Variants in KCNK17 observed in about 807,000 individuals in gnomAD.
KCNK17 encodes potassium two pore domain channel subfamily K member 17, also known as potassium channel subfamily K member 17.
A neutral mutation model predicts 24.6 loss-of-function variants in KCNK17; 27 were observed. The ratio of observed to expected loss-of-function variants is 1.10; its 90% CI spans 0.81 to 1.51. KCNK17 has a LOEUF of 1.51. KCNK17 is among the 40% of genes most tolerant of loss of function. The pLI is 0.00. For synonymous variants in KCNK17, 181 were observed against 189.8 expected, an observed-to-expected ratio of 0.95 and a Z score of 0.38; for missense variants, 450 against 436.6, an observed-to-expected ratio of 1.03 and a Z score of -0.27.
chr6:39,314,385 A>G lies in KCNK17; in HGVS notation c.-65T>C, dbSNP rs1762230474. On this transcript the variant is annotated 5_prime_UTR_variant, in exon 1 of 5. Coordinates refer to ENST00000373231, the MANE Select transcript of KCNK17 (RefSeq NM_031460.4). ...TAGGACCCGGTGGGAGGGAAGGGCC[A>G]GGCGTCCAGCTCGTATCTCCTCTCG... is the stretch of plus-strand genomic sequence containing the variant. 2 of 1,185,082 alleles carry G rather than the reference A, an allele frequency of 1.7e-6. No homozygotes were observed. Among genetic ancestry groups the G allele is most frequent in the African/African-American group, 1.6e-5 (1 of 61,638 alleles). 73.4% of individuals were successfully genotyped at this position (1,185,082 alleles called of 1,614,324 possible).
At position 39,299,181 on chromosome 6, in the gene KCNK17, G is replaced by A. The variant is rs1437327896; in HGVS notation, c.*246C>T. 1.0e-5 allele frequency: 5 copies of A among 496,048 alleles called. No individual in the cohort carries two copies. The highest frequency in any genetic ancestry group is 5.2e-4 in the Middle Eastern group (1 of 1,916). The allele number at this position is 496,048 out of a possible 1,614,324, so 30.7% of individuals were successfully genotyped here. A position where few individuals can be genotyped will look rare whatever the true frequency, so the allele number is the denominator to read the frequency against. ...TGCCAGAGCTCCCAGCCATCATATC[G>A]GCGGCATTGCAGCCCGCTAAAGTAA... On this transcript the variant is annotated 3_prime_UTR_variant, in exon 5 of 5. Transcript: ENST00000373231.
At chr6:39,310,811 C>A in intron 2 of KCNK17, 82 bp downstream of exon 2, 2 of 925,540 alleles carry the variant, frequency 2.2e-6, no homozygotes, top group South Asian at 1.7e-5. Flanking sequence ...GGTAATCCCT[C>A]CAAAAGGCAA....
intron 4 of KCNK17, chr6:39,300,469 T>G (rs1370441164): frequency 6.5e-6 from 10 of 1,549,840 alleles, no homozygotes; most frequent in Middle Eastern, 1.7e-4. Flanking sequence ...CGATGTCCGC[T>G]CTAGTGTTTG....
chr6:39,306,840 T>C (rs1393113851), intron 2 of KCNK17, among the ~76,000 whole-genome samples: 1 of 150,914 alleles, frequency 6.6e-6, no homozygotes, highest in Non-Finnish European at 1.5e-5. Context: ...TCTCGGCTCA[T>C]TGCAACCTCT....
intron 4 of KCNK17, chr6:39,300,322 C>T (rs566636525): frequency 1.4e-6 from 1 of 701,716 alleles, no homozygotes; most frequent in South Asian, 1.5e-5. Context: ...GGGGTTTCAC[C>T]ATTGTTGCCC....
chr6:39,308,018 T>G (rs1762065594), intron 2 of KCNK17, among the ~76,000 whole-genome samples: 1 of 152,202 alleles, frequency 6.6e-6, no homozygotes, highest in Admixed American at 6.5e-5. Context: ...CTGTATCAGC[T>G]TCAATGTTAC....
chr6:39,312,340 T>C (rs75113401), intron 1 of KCNK17, among the ~76,000 whole-genome samples: 3 of 151,340 alleles, frequency 2.0e-5, no homozygotes, highest in African/African-American at 7.3e-5. Context: ...ATTCCTGGAG[T>C]TGGCTGAAGC....
chr6:39,304,477 G>T lies in KCNK17; in HGVS notation c.513+18C>A. On this transcript the variant is annotated intron_variant, in intron 3 of 4. Transcript: ENST00000373231. ...TCTAGAAGTGACCCATCCCCACCCC[G>T]TCCAGCAGCCCCCTCACCTGCCAGG... The T allele has an allele frequency of 6.2e-7, 1 of 1,604,740 alleles. No homozygotes were observed. The highest frequency in any genetic ancestry group is 8.5e-7 in the Non-Finnish European group (1 of 1,172,136).
Position 39,299,373 on chromosome 6 carries a change from G to C in KCNK17, c.*54C>G, listed in dbSNP as rs950592070. 26 of 1,412,000 alleles carry C rather than the reference G, an allele frequency of 1.8e-5. No individual in the cohort carries two copies. Among genetic ancestry groups the C allele is most frequent in the Non-Finnish European group, 2.4e-5 (25 of 1,022,566 alleles). The allele number at this position is 1,412,000 out of a possible 1,614,324, so 87.5% of individuals were successfully genotyped here. On this transcript the variant is annotated 3_prime_UTR_variant, in exon 5 of 5. Transcript: ENST00000373231. Reference sequence around the variant, plus strand: ...TTTAGTTTGGGTGGACATGTGCAAAGCTTAAAATCAGGGGTCTTGCTACCG... The same window carrying C: ...TTTAGTTTGGGTGGACATGTGCAAACCTTAAAATCAGGGGTCTTGCTACCG...
At chr6:39,307,934 GC>G (rs1329384976) in intron 2 of KCNK17, among the ~76,000 whole-genome samples, 1 of 152,168 alleles carries the variant, frequency 6.6e-6, no homozygotes, top group Non-Finnish European at 1.5e-5. Flanking sequence ...CTTTGCACTT[GC>G]TGGCAGAGGA....
intron 4 of KCNK17, among the ~76,000 whole-genome samples, chr6:39,302,888 C>A (rs769585285): frequency 1.3e-5 from 2 of 151,698 alleles, no homozygotes; most frequent in Non-Finnish European, 3.0e-5. Context: ...GGGGACCTTG[C>A]AAACAGAGGC....
At chr6:39,301,443 G>A (rs1417429829) in intron 4 of KCNK17, among the ~76,000 whole-genome samples, 1 of 152,226 alleles carries the variant, frequency 6.6e-6, no homozygotes, top group Non-Finnish European at 1.5e-5. Flanking sequence ...TGCCACCTGG[G>A]AGCTGACCTG....
chr6:39,308,696 T>G (rs890921062), intron 2 of KCNK17, among the ~76,000 whole-genome samples: 1 of 152,268 alleles, frequency 6.6e-6, no homozygotes, highest in African/African-American at 2.4e-5. Flanking sequence ...CCTGTCCTAC[T>G]GGCCCAGAGG....
At position 39,314,079 on chromosome 6, in the gene KCNK17, C is replaced by G; in HGVS notation, c.237+5G>C. 6.3e-7 allele frequency: 1 copy of G among 1,576,134 alleles called. No individual in the cohort carries two copies. The highest frequency in any genetic ancestry group is 8.6e-7 in the Non-Finnish European group (1 of 1,162,314). On this transcript the variant is annotated splice_donor_5th_base_variant and intron_variant, in intron 1 of 4. Coordinates refer to ENST00000373231, the MANE Select transcript of KCNK17 (RefSeq NM_031460.4). Reference sequence around the variant, plus strand: ...GCGCCCAGGCCGACGCCGCTCGCCCCTGACCCGGATCAGCGAGTCCAGCGC... The same window carrying G: ...GCGCCCAGGCCGACGCCGCTCGCCCGTGACCCGGATCAGCGAGTCCAGCGC...
intron 1 of KCNK17, among the ~76,000 whole-genome samples, chr6:39,312,769 G>C (rs977061504): frequency 1.8e-4 from 27 of 152,316 alleles, no homozygotes; most frequent in African/African-American, 6.0e-4. Flanking sequence ...TGTAGTCGAA[G>C]TTCACCACCT....
chr6:39,308,942 T>A (rs1448590137), intron 2 of KCNK17, among the ~76,000 whole-genome samples: 1 of 152,232 alleles, frequency 6.6e-6, no homozygotes, highest in East Asian at 1.9e-4. Flanking sequence ...TCCTGTTCAC[T>A]CCACAATGGC....
chr6:39,304,502 G>C lies in KCNK17; in HGVS notation c.506C>G (p.Thr169Ser). 1 of 1,612,362 alleles carries C rather than the reference G, an allele frequency of 6.2e-7. No homozygotes were observed. The highest frequency in any genetic ancestry group is 8.5e-7 in the Non-Finnish European group (1 of 1,178,524). ...GTCCAGCAGCCCCCTCACCTGCCAG[G>C]TGCCCCCCAGCCTGCTGGCCCAGTG... ...VNHWASRLGG[T>S]WQDPDKARWL... The change falls in exon 3 of 5, where the codon ACC becomes AGC. Residue 169 changes from threonine (T) to serine (S), a missense_variant. By Grantham distance (58) the Thr-to-Ser change is moderately conservative. Coordinates refer to ENST00000373231, the MANE Select transcript of KCNK17 (RefSeq NM_031460.4).
At chr6:39,313,582 C>A (rs377326686) in intron 1 of KCNK17, among the ~76,000 whole-genome samples, 10 of 152,228 alleles carry the variant, frequency 6.6e-5, no homozygotes, top group South Asian at 2.1e-4. Flanking sequence ...GCGCCCCTGC[C>A]GTCCCAGCTC....
chr6:39,307,178 G>T (rs372195246), intron 2 of KCNK17, among the ~76,000 whole-genome samples: 184 of 152,268 alleles, frequency 1.2e-3, no homozygotes, highest in African/African-American at 3.8e-3. Context: ...CACCTACAGT[G>T]GGGGGTAATG....
Sources: allele counts gnomAD v4.1 joint callset (sites outside exome capture counted in the v4.1 genomes callset), GRCh38; gene constraint gnomAD v4.1.1; transcripts MANE v1.5; gene names NCBI Gene and HGNC (gene_info 2026-07-23, HGNC 2026-07-21).